ARHGAP15: variants seen among roughly 807,000 people sequenced by gnomAD.
ARHGAP15 encodes the protein rho GTPase-activating protein 15.
A neutral mutation model predicts 63.7 loss-of-function variants in ARHGAP15; 51 were observed. The ratio of observed to expected loss-of-function variants is 0.80; its 90% CI spans 0.64 to 1.01. The LOEUF (loss-of-function observed/expected upper bound fraction) is 1.01. Ranked by LOEUF, ARHGAP15 falls within the 50% of genes least tolerant of loss-of-function variation. The pLI is 0.00. For missense variants in ARHGAP15, 560 were observed against 564.6 expected (o/e 0.99, Z 0.08); for synonymous variants, 191 against 193.8 (o/e 0.99, Z 0.12).
intron 2 of ARHGAP15, among the ~76,000 whole-genome samples, chr2:143,192,117 G>A (rs745423971): frequency 6.6e-6 from 1 of 152,206 alleles, no homozygotes; most frequent in Admixed American, 6.5e-5. Context: ...AGTGGTATAT[G>A]ACAGCTCTAT....
At chr2:143,709,647 G>T (rs1684488674) in intron 13 of ARHGAP15, among the ~76,000 whole-genome samples, 1 of 151,322 alleles carries the variant, frequency 6.6e-6, no homozygotes, top group Non-Finnish European at 1.5e-5. Flanking sequence ...TTGAGCTGGG[G>T]CTATTTTGTG....
chr2:143,368,852 T>C (rs1040419278), intron 6 of ARHGAP15, among the ~76,000 whole-genome samples: 1 of 152,138 alleles, frequency 6.6e-6, no homozygotes, highest in Non-Finnish European at 1.5e-5. Flanking sequence ...TTCATCCAGA[T>C]AGATTCTCCA....
chr2:143,406,636 T>A (rs1310440465), intron 6 of ARHGAP15, among the ~76,000 whole-genome samples: 2 of 151,970 alleles, frequency 1.3e-5, no homozygotes, highest in Non-Finnish European at 2.9e-5. Flanking sequence ...CTTTATATAC[T>A]TTATTTAATC....
At chr2:143,298,910 T>A (rs1682769412) in intron 6 of ARHGAP15, among the ~76,000 whole-genome samples, 1 of 152,108 alleles carries the variant, frequency 6.6e-6, no homozygotes, top group African/African-American at 2.4e-5. Flanking sequence ...GATATCATAA[T>A]TGTGAAGGTC....
chr2:143,148,122 G>T (rs1257810704), intron 1 of ARHGAP15, among the ~76,000 whole-genome samples: 3 of 151,968 alleles, frequency 2.0e-5, no homozygotes, highest in African/African-American at 7.2e-5. Context: ...ATCTTGTGTG[G>T]ATGTTCACTC....
chr2:143,348,129 C>A (rs1340239275), intron 6 of ARHGAP15, among the ~76,000 whole-genome samples: 1 of 152,090 alleles, frequency 6.6e-6, no homozygotes, highest in African/African-American at 2.4e-5. Flanking sequence ...CCTATTGGGG[C>A]ACTAAGGTCA....
intron 5 of ARHGAP15, among the ~76,000 whole-genome samples, chr2:143,245,652 G>A (rs998857443): frequency 6.6e-6 from 1 of 151,756 alleles, no homozygotes; most frequent in Non-Finnish European, 1.5e-5. Flanking sequence ...AATGAACATG[G>A]TTAGAGGCTG....
At chr2:143,311,981 C>A (rs899212878) in intron 6 of ARHGAP15, among the ~76,000 whole-genome samples, 3 of 152,116 alleles carry the variant, frequency 2.0e-5, no homozygotes, top group Admixed American at 1.3e-4. Flanking sequence ...TCTTCACCCT[C>A]TACTCCTGCC....
intron 6 of ARHGAP15, among the ~76,000 whole-genome samples, chr2:143,270,329 TTC>T (rs1466664377): frequency 2.0e-5 from 3 of 152,226 alleles, no homozygotes; most frequent in African/African-American, 7.2e-5. Context: ...TTGTAGACAT[TTC>T]TGTTTTGCTT....
At chr2:143,437,338 G>A (rs1375766336) in intron 8 of ARHGAP15, 4 of 275,270 alleles carry the variant, frequency 1.5e-5, no homozygotes, top group Non-Finnish European at 2.8e-5. Flanking sequence ...TTTTGAGAGT[G>A]GGAAATGTCA....
chr2:143,250,422 A>G (rs1407754926), intron 5 of ARHGAP15, 89 bp from the exon 6 acceptor site: 7 of 981,794 alleles, frequency 7.1e-6, no homozygotes, highest in Non-Finnish European at 1.1e-5. Context: ...ATAAATATGT[A>G]TAGCTGCTAA....
At chr2:143,349,641 A>G (rs1352867491) in intron 6 of ARHGAP15, among the ~76,000 whole-genome samples, 1 of 152,190 alleles carries the variant, frequency 6.6e-6, no homozygotes, top group Non-Finnish European at 1.5e-5. Flanking sequence ...TATAATAAAT[A>G]TCTTTTGTAT....
intron 9 of ARHGAP15, among the ~76,000 whole-genome samples, chr2:143,497,142 T>C (rs1692850939): frequency 6.6e-6 from 1 of 152,218 alleles, no homozygotes; most frequent in Non-Finnish European, 1.5e-5. Context: ...GTTTTAAGCA[T>C]ACTCTGTGCT....
At chr2:143,474,969 G>A (rs567160510) in intron 8 of ARHGAP15, among the ~76,000 whole-genome samples, 48 of 152,316 alleles carry the variant, frequency 3.2e-4, no homozygotes, top group African/African-American at 1.1e-3. Context: ...TAATCCAAAA[G>A]GGTGGCTGGA....
chr2:143,275,417 A>G (rs761862332), intron 6 of ARHGAP15, among the ~76,000 whole-genome samples: 2 of 152,220 alleles, frequency 1.3e-5, no homozygotes, highest in Non-Finnish European at 2.9e-5. Flanking sequence ...TCTCTATCAC[A>G]TATTACTGAG....
chr2:143,540,299 TA>T (rs961763112), intron 10 of ARHGAP15, among the ~76,000 whole-genome samples: 2 of 152,236 alleles, frequency 1.3e-5, no homozygotes, highest in Non-Finnish European at 2.9e-5. Flanking sequence ...GTTTCCTGAA[TA>T]CAGCACTATG....
chr2:143,390,510 T>A (rs1687488332), intron 6 of ARHGAP15, among the ~76,000 whole-genome samples: 1 of 152,028 alleles, frequency 6.6e-6, no homozygotes, highest in Admixed American at 6.6e-5. Context: ...GATGCTGAGA[T>A]TTAATTATCG....
chr2:143,570,153 T>C (rs1415145732), intron 11 of ARHGAP15, among the ~76,000 whole-genome samples: 1 of 152,170 alleles, frequency 6.6e-6, no homozygotes, highest in Non-Finnish European at 1.5e-5. Flanking sequence ...CTTACAACCA[T>C]CCTAATGAAG....
chr2:143,172,811 AT>A (rs1210860772), intron 2 of ARHGAP15, among the ~76,000 whole-genome samples: 11 of 152,136 alleles, frequency 7.2e-5, no homozygotes, highest in Non-Finnish European at 1.6e-4. Context: ...GGGACAATCA[AT>A]TACGTGAGTT....
Sources: gnomAD v4.1 joint callset for allele counts (sites outside exome capture counted in the v4.1 genomes callset) on GRCh38, gnomAD v4.1.1 for gene constraint, MANE v1.5 for transcripts, NCBI Gene and HGNC (gene_info 2026-07-23, HGNC 2026-07-21) for gene names.